The following GDA variants were observed in gnomAD, a reference collection of about 807,000 sequenced individuals.
The protein encoded by GDA is guanine deaminase.
GDA carries 18 observed loss-of-function variants against 59.6 expected under a neutral mutation model. The ratio of observed to expected loss-of-function variants is 0.30; its 90% confidence interval spans 0.21 to 0.45. The LOEUF (loss-of-function observed/expected upper bound fraction) is 0.45. GDA is among the 20% of genes least tolerant of loss of function. The pLI is 1.00. For missense variants in GDA, 427 were observed against 552.3 expected, an observed-to-expected ratio of 0.77 and a Z score of 2.27; for synonymous variants, 201 against 201.1, an observed-to-expected ratio of 1.00 and a Z score of 0.00.
rs561616707 is a variant in GDA at position 72,153,973 on chromosome 9, AT to A, written c.123+4292del. Among the ~76,000 whole-genome samples, 20 of 152,144 alleles carry A rather than the reference AT, an allele frequency of 1.3e-4. 1 individual carries two copies. In the South Asian group the frequency reaches 1.7e-3, roughly 13 times the overall value. On this transcript the variant is annotated intron_variant, in intron 1 of 13. Coordinates refer to ENST00000358399, the MANE Select transcript of GDA (RefSeq NM_004293.5). ...AAACTTAAAGTATAATAAAAAAAAAATATAGACTCTAACATGTTTAATTCAT... is the reference window on the plus strand; with the variant it reads ...AAACTTAAAGTATAATAAAAAAAAAAATAGACTCTAACATGTTTAATTCAT...
At chr9:72,202,373 G>A (rs1386366195) in intron 2 of GDA, among the ~76,000 whole-genome samples, 198 bp from the exon 3 acceptor site, 2 of 152,118 alleles carry the variant, frequency 1.3e-5, no homozygotes, top group African/African-American at 4.8e-5. Context: ...CAACCTAGAA[G>A]CTATATCTCT....
intron 1 of GDA, among the ~76,000 whole-genome samples, chr9:72,192,633 G>A (rs1344897858): frequency 6.6e-6 from 1 of 151,190 alleles, no homozygotes; most frequent in Non-Finnish European, 1.5e-5. Flanking sequence ...TGTAATCCCA[G>A]CACTTTGGGA....
chr9:72,216,406 G>A (rs1031729887), intron 5 of GDA, among the ~76,000 whole-genome samples: 3 of 152,184 alleles, frequency 2.0e-5, no homozygotes, highest in African/African-American at 7.2e-5. Flanking sequence ...AACTTGTCCT[G>A]CACCAAATAG....
chr9:72,164,223 T>C (rs1203168512), intron 1 of GDA, among the ~76,000 whole-genome samples: 1 of 152,108 alleles, frequency 6.6e-6, no homozygotes, highest in Non-Finnish European at 1.5e-5. Context: ...ATTCCTCTTG[T>C]TGAGTTTAGA....
chr9:72,228,097 C>A, intron 9 of GDA, 57 bp downstream of exon 9: 1 of 956,886 alleles, frequency 1.0e-6, no homozygotes, highest in Non-Finnish European at 1.7e-6. Context: ...AGATTAGCAG[C>A]CAAATGCCTT....
intron 6 of GDA, among the ~76,000 whole-genome samples, chr9:72,220,375 A>T (rs532643283): frequency 2.0e-5 from 3 of 152,340 alleles, no homozygotes; most frequent in African/African-American, 7.2e-5. Context: ...TATCGTTCAC[A>T]TATGTACAAA....
At chr9:72,154,842 G>A (rs969603427) in intron 1 of GDA, among the ~76,000 whole-genome samples, 3 of 152,164 alleles carry the variant, frequency 2.0e-5, no homozygotes, top group Admixed American at 6.5e-5. Context: ...ACTTTGGCAC[G>A]GGAGCTAAGA....
intron 1 of GDA, among the ~76,000 whole-genome samples, chr9:72,175,734 TTA>T (rs139317969): frequency 0.06 from 9,151 of 152,274 alleles, 393 homozygotes; most frequent in Non-Finnish European, 0.089. Context: ...AGAATTAATT[TTA>T]GAGTCCTTCC....
At chr9:72,258,161 A>T (rs1840907053), downstream of GDA, among the ~76,000 whole-genome samples, 1 of 151,406 alleles carries the variant, frequency 6.6e-6, no homozygotes, top group Admixed American at 6.6e-5. Flanking sequence ...AAAAATAAAA[A>T]ATGTAGCTGG....
At chr9:72,116,000 G>A (rs1257463090) in intron 1 of GDA, among the ~76,000 whole-genome samples, 5 of 152,114 alleles carry the variant, frequency 3.3e-5, no homozygotes, top group Non-Finnish European at 1.5e-5. Flanking sequence ...TTGGGAGGCC[G>A]AGGTGAGCTG....
chr9:72,194,773 T>C (rs778601829), intron 1 of GDA, among the ~76,000 whole-genome samples: 3 of 152,192 alleles, frequency 2.0e-5, no homozygotes, highest in African/African-American at 7.2e-5. Flanking sequence ...CCCACTGTAG[T>C]CTGTGGCTAG....
intron 1 of GDA, among the ~76,000 whole-genome samples, chr9:72,125,963 C>T (rs768512466): frequency 6.6e-6 from 1 of 152,162 alleles, no homozygotes; most frequent in Non-Finnish European, 1.5e-5. Flanking sequence ...GTTGCCCAGG[C>T]TGGAGTGCAG....
At chr9:72,153,300 T>C (rs1286489628) in intron 1 of GDA, among the ~76,000 whole-genome samples, 1 of 152,126 alleles carries the variant, frequency 6.6e-6, no homozygotes, top group Non-Finnish European at 1.5e-5. Flanking sequence ...ATATGAACTT[T>C]AAAGTAGTTT....
rs754647291 is a variant in GDA at position 72,248,235 on chromosome 9, A to T, written c.1295-37A>T. On this transcript the variant is annotated intron_variant, in intron 13 of 13. Transcript: ENST00000358399. ...GCAAGGAAGATACTTATTGACACAAAAGGATTTTATACATGATTCCTTGAT... is the reference window on the plus strand; with the variant it reads ...GCAAGGAAGATACTTATTGACACAATAGGATTTTATACATGATTCCTTGAT... The T allele has an allele frequency of 7.8e-6, 11 of 1,409,748 alleles. No individual in the cohort carries two copies. In the East Asian group the frequency reaches 2.5e-4, roughly 32 times the overall value. 87.3% of individuals were successfully genotyped at this position (1,409,748 alleles called of 1,614,324 possible).
At position 72,166,605 on chromosome 9, in the gene GDA, C is replaced by T. The variant is rs77448593; in HGVS notation, c.123+16923C>T. 1.7e-3 allele frequency among the ~76,000 whole-genome samples: 262 copies of T among 152,188 alleles called. 2 individuals are homozygous for T. Among genetic ancestry groups the T allele is most frequent in the African/African-American group, 6.1e-3 (252 of 41,534 alleles). On this transcript the variant is annotated intron_variant, in intron 1 of 13. Transcript: ENST00000358399. ...TACCCTGACTTGATCATTACATATTCTATGCATGTAACAAATATCACATGT... is the reference window on the plus strand; with the variant it reads ...TACCCTGACTTGATCATTACATATTTTATGCATGTAACAAATATCACATGT...
chr9:72,248,374 A>T lies in GDA; in HGVS notation c.*32A>T. 6.2e-7 allele frequency: 1 copy of T among 1,613,256 alleles called. No individual in the cohort carries two copies. Among genetic ancestry groups the T allele is most frequent in the Non-Finnish European group, 8.5e-7 (1 of 1,179,470 alleles). ...CGGGCGTCTACAAAGTTCTCCTGGG[A>T]TTAGCGTGGTTCTGCATCTCCCTTG... is the stretch of plus-strand genomic sequence containing the variant. On this transcript the variant is annotated 3_prime_UTR_variant, in exon 14 of 14. Transcript: ENST00000358399.
At chr9:72,174,853 G>C (rs1238146740) in intron 1 of GDA, among the ~76,000 whole-genome samples, 2 of 152,014 alleles carry the variant, frequency 1.3e-5, no homozygotes, top group Admixed American at 6.6e-5. Flanking sequence ...CCTAAGGAAG[G>C]GACAGCTAAA....
chr9:72,121,985 C>G (rs1825678284), intron 1 of GDA, among the ~76,000 whole-genome samples: 1 of 152,160 alleles, frequency 6.6e-6, no homozygotes, highest in African/African-American at 2.4e-5. Context: ...TTATAAATCT[C>G]TGGGGTTGAA....
At chr9:72,243,895 G>T (rs1248985336) in intron 11 of GDA, among the ~76,000 whole-genome samples, 2 of 152,150 alleles carry the variant, frequency 1.3e-5, no homozygotes, top group African/African-American at 2.4e-5. Context: ...TTGAAATAAG[G>T]CTGAGCACAG....
Sources: gnomAD v4.1 joint callset for allele counts (sites outside exome capture counted in the v4.1 genomes callset) on GRCh38, gnomAD v4.1.1 for gene constraint, MANE v1.5 for transcripts, NCBI Gene and HGNC (gene_info 2026-07-23, HGNC 2026-07-21) for gene names.